The following WDR33 variants were observed in gnomAD, a reference collection of about 807,000 sequenced individuals.
The protein encoded by WDR33 is pre-mRNA 3' end processing protein WDR33.
A neutral mutation model predicts 164.9 loss-of-function variants in WDR33; 47 were observed. That is an observed-to-expected ratio of 0.29 (90% CI 0.23 to 0.36). The LOEUF is 0.36. Ranked by LOEUF, WDR33 falls within the 10% of genes least tolerant of loss-of-function variation. WDR33 has a pLI of 1.00. For synonymous variants in WDR33, 505 were observed against 589.0 expected (o/e 0.86, Z 2.06); for missense variants, 1,137 against 1,754.1 (o/e 0.65, Z 6.28).
rs997440518 is a variant in WDR33, at chr2:127,722,846, A to G, written c.1378+112T>C. The G allele has an allele frequency of 7.1e-7, 1 of 1,411,140 alleles. No individual in the cohort carries two copies. The highest frequency in any genetic ancestry group is 9.6e-7 in the Non-Finnish European group (1 of 1,045,128). 87.4% of individuals were successfully genotyped at this position (1,411,140 alleles called of 1,614,324 possible). A position where few individuals can be genotyped will look rare whatever the true frequency, so the allele number is the denominator to read the frequency against. On this transcript the variant is annotated intron_variant, in intron 13 of 21. Coordinates refer to ENST00000322313, the MANE Select transcript of WDR33 (RefSeq NM_018383.5). This position sits in a 1 kb window ranked among gnomAD's most constrained non-coding sequence, Gnocchi z 5.1. ...GTATTATGTCATTTATATAATTTTT[A>G]TCAACATTTCTCAACATAAATCATT...
rs746827135 is a variant in WDR33, at chr2:127,708,318, G to A, written c.3781+359C>T. 3.9e-5 allele frequency among the ~76,000 whole-genome samples: 6 copies of A among 152,206 alleles called. No homozygotes were observed. Among genetic ancestry groups the A allele is most frequent in the Non-Finnish European group, 8.8e-5 (6 of 68,044 alleles). On this transcript the variant is annotated intron_variant, in intron 21 of 21. Transcript: ENST00000322313. This position sits in a 1 kb window ranked among gnomAD's most constrained non-coding sequence, Gnocchi z 6.7. ...CTAAAAAAACCAACAGACCACCCAG[G>A]AGAGGACAACTCTTCCCCTCCCACT...
At chr2:127,748,814 G>A (rs72846257) in intron 7 of WDR33, among the ~76,000 whole-genome samples, 21,770 of 149,840 alleles carry the variant, frequency 0.15, 1,806 homozygotes, top group Middle Eastern at 0.23. Context: ...AGTGGTGCAT[G>A]GCTCATTACT....
chr2:127,773,194 G>A (rs1688067284), intron 1 of WDR33, among the ~76,000 whole-genome samples: 1 of 152,094 alleles, frequency 6.6e-6, no homozygotes, highest in South Asian at 2.1e-4. Flanking sequence ...AAGGAGAGAA[G>A]TTACAAACAT....
chr2:127,784,760 T>C (rs1397775193), intron 1 of WDR33, among the ~76,000 whole-genome samples: 1 of 152,238 alleles, frequency 6.6e-6, no homozygotes, highest in Non-Finnish European at 1.5e-5. Flanking sequence ...ATGGAACTTT[T>C]ACTCATGCAT....
At position 127,735,385 on chromosome 2, in the gene WDR33, C is replaced by A; in HGVS notation, c.725-8608G>T. On this transcript the variant is annotated intron_variant, in intron 7 of 21. Transcript: ENST00000322313. The surrounding 1 kb of genome is among the most constrained non-coding windows in gnomAD (Gnocchi z 4.3). ...CAAAGCTCGGTGAACAGTCTGAAAA[C>A]CAATACATAATAAGTTTTATTTGAA... 3 of 985,772 alleles carry A rather than the reference C, an allele frequency of 3.0e-6. No individual in the cohort carries two copies. Among genetic ancestry groups the A allele is most frequent in the Non-Finnish European group, 3.6e-6 (3 of 829,922 alleles). 61.1% of individuals were successfully genotyped at this position (985,772 alleles called of 1,614,324 possible). A position where few individuals can be genotyped will look rare whatever the true frequency, so the allele number is the denominator to read the frequency against.
Position 127,706,237 on chromosome 2 carries a change from C to CA in WDR33, c.*85dup. ...AAAAGAGTTCAGGGCTACAATGGTG[C>CA]AGGCTTCCTTTTGTTTCTCTTGGTG... On this transcript the variant is annotated 3_prime_UTR_variant, in exon 22 of 22. Coordinates refer to ENST00000322313, the MANE Select transcript of WDR33 (RefSeq NM_018383.5). The surrounding 1 kb of genome is among the most constrained non-coding windows in gnomAD (Gnocchi z 5.1). 1 of 1,276,922 alleles carries CA rather than the reference C, an allele frequency of 7.8e-7. No homozygotes were observed. Among genetic ancestry groups the CA allele is most frequent in the African/African-American group, 1.5e-5 (1 of 65,530 alleles). The allele number at this position is 1,276,922 out of a possible 1,614,324, so 79.1% of individuals were successfully genotyped here.
chr2:127,785,658 TTG>T (rs1166631501), intron 1 of WDR33, among the ~76,000 whole-genome samples: 3 of 140,318 alleles, frequency 2.1e-5, no homozygotes, highest in African/African-American at 9.7e-5. Context: ...TAGCTTTTTT[TTG>T]TTTTTACTAC....
chr2:127,765,148 T>C, intron 5 of WDR33, 26 bp downstream of exon 5: 1 of 1,600,648 alleles, frequency 6.2e-7, no homozygotes, highest in Non-Finnish European at 8.6e-7. Context: ...CACAGGATGA[T>C]GATACCATCT....
At chr2:127,809,679 G>A (rs1395136927) in intron 1 of WDR33, among the ~76,000 whole-genome samples, 2 of 151,876 alleles carry the variant, frequency 1.3e-5, no homozygotes, top group Non-Finnish European at 2.9e-5. Flanking sequence ...CAGGTGATCC[G>A]CCCACCCTGG....
intron 1 of WDR33, among the ~76,000 whole-genome samples, chr2:127,808,536 G>A (rs1427951875): frequency 1.3e-5 from 2 of 152,222 alleles, no homozygotes; most frequent in Non-Finnish European, 2.9e-5. Flanking sequence ...CCAATACACT[G>A]AAGAGCTTCA....
At chr2:127,781,147 AG>A (rs1688356100) in intron 1 of WDR33, among the ~76,000 whole-genome samples, 1 of 152,190 alleles carries the variant, frequency 6.6e-6, no homozygotes, top group Admixed American at 6.5e-5. Flanking sequence ...TATAGGTGTG[AG>A]CCACCATGCC....
At chr2:127,737,169 CT>C in intron 7 of WDR33, 1 of 985,372 alleles carries the variant, frequency 1.0e-6, no homozygotes, top group Non-Finnish European at 1.2e-6. Flanking sequence ...ATCAAAGATG[CT>C]TAAAGGAATG....
rs1214418226 is a variant in WDR33 at position 127,701,551 on chromosome 2, T to G, written c.*4772A>C. On this transcript the variant is annotated 3_prime_UTR_variant, in exon 22 of 22. Transcript: ENST00000322313. ...AAGATGGCGGACCTCCACCGCCAGC[T>G]GCAGGAGTACCTGGCGCAGGGGAAA... is the stretch of plus-strand genomic sequence containing the variant. The G allele has an allele frequency of 2.2e-6, 3 of 1,360,554 alleles. No individual in the cohort carries two copies. Among genetic ancestry groups the G allele is most frequent in the South Asian group, 1.8e-5 (1 of 55,778 alleles). The allele number at this position is 1,360,554 out of a possible 1,614,324, so 84.3% of individuals were successfully genotyped here. A position where few individuals can be genotyped will look rare whatever the true frequency, so the allele number is the denominator to read the frequency against.
chr2:127,711,770 A>ATTTT lies in WDR33; in HGVS notation c.3308+1812_3308+1813insAAAA, dbSNP rs1220888579. Among the ~76,000 whole-genome samples, 361 of 77,774 alleles carry ATTTT rather than the reference A, an allele frequency of 4.6e-3. 10 individuals carry two copies. The highest frequency in any genetic ancestry group is 8.5e-3 in the Middle Eastern group (1 of 118). The allele number at this position is 77,774 out of a possible 152,430, so 51.0% of individuals were successfully genotyped here. A position where few individuals can be genotyped will look rare whatever the true frequency, so the allele number is the denominator to read the frequency against. On this transcript the variant is annotated intron_variant, in intron 18 of 21. Coordinates refer to ENST00000322313, the MANE Select transcript of WDR33 (RefSeq NM_018383.5). Reference sequence around the variant, plus strand: ...TATACAGATATATATATATATATATATATATATATATTTTTTTTTTGAGAC... The same window carrying ATTTT: ...TATACAGATATATATATATATATATATTTTTATATATATATTTTTTTTTTGAGAC...
chr2:127,775,711 A>G (rs1293630720), intron 1 of WDR33, among the ~76,000 whole-genome samples: 2 of 152,208 alleles, frequency 1.3e-5, no homozygotes, highest in African/African-American at 2.4e-5. Context: ...AAAAATATCA[A>G]TCCTTCATTT....
rs914720736 is a variant in WDR33, at chr2:127,713,354, TA to T, written c.3308+228del. On this transcript the variant is annotated intron_variant, in intron 18 of 21. Coordinates refer to ENST00000322313, the MANE Select transcript of WDR33 (RefSeq NM_018383.5). This position sits in a 1 kb window ranked among gnomAD's most constrained non-coding sequence, Gnocchi z 6.2. ...CATCTCTTTAGAAAGGACCAAAATA[TA>T]AAAAAATAAACAAAACGAAAAAGAT... Among the ~76,000 whole-genome samples the T allele has an allele frequency of 1.3e-5, 2 of 152,012 alleles. No individual in the cohort carries two copies. The highest frequency in any genetic ancestry group is 4.8e-5 in the African/African-American group (2 of 41,354).
At chr2:127,772,458 A>C (rs1688042015) in intron 1 of WDR33, among the ~76,000 whole-genome samples, 1 of 151,978 alleles carries the variant, frequency 6.6e-6, no homozygotes, top group Non-Finnish European at 1.5e-5. Flanking sequence ...TTCCACTTAG[A>C]TGTTTGATTA....
chr2:127,795,756 C>A (rs719863), intron 1 of WDR33, among the ~76,000 whole-genome samples: 1 of 150,866 alleles, frequency 6.6e-6, no homozygotes, highest in African/African-American at 2.4e-5. Context: ...ATCACTTGTG[C>A]ACAGGAGGTC....
rs764313583 is a variant in WDR33, at chr2:127,720,305, G to A, written c.1720C>T (p.Pro574Ser). ...LAQKQVEQIQ[P>S]PPSSGTPLLG... ...AGAGGGGTGCCAGATGAGGGAGGAG[G>A]CTGAATTTGCTCAACTTGTTTCTGT... Residue 574 changes from proline (P) to serine (S), a missense_variant, in exon 16 of 22, where the codon CCT (proline) becomes TCT (serine). Coordinates refer to ENST00000322313, the MANE Select transcript of WDR33 (RefSeq NM_018383.5). This position sits in a 1 kb window ranked among gnomAD's most constrained non-coding sequence, Gnocchi z 5.9. The A allele has an allele frequency of 2.0e-6, 3 of 1,514,984 alleles. No individual in the cohort carries two copies. Among genetic ancestry groups the A allele is most frequent in the African/African-American group, 1.4e-5 (1 of 71,726 alleles). 93.8% of individuals were successfully genotyped at this position (1,514,984 alleles called of 1,614,324 possible).
Sources: allele counts gnomAD v4.1 joint callset (sites outside exome capture counted in the v4.1 genomes callset), GRCh38; gene constraint gnomAD v4.1.1; non-coding constraint Gnocchi (gnomAD v3.1); transcripts MANE v1.5; gene names NCBI Gene and HGNC (gene_info 2026-07-23, HGNC 2026-07-21).